KCNQ5: variants seen among roughly 807,000 people sequenced by gnomAD.
The protein encoded by KCNQ5 is potassium voltage-gated channel subfamily Q member 5, also known as potassium voltage-gated channel subfamily KQT member 5.
Under a neutral mutation model 98.2 loss-of-function variants are expected in KCNQ5, and 30 were observed. That is an observed-to-expected ratio of 0.31 (90% CI 0.23 to 0.41). KCNQ5 has a LOEUF of 0.41. Among genes scored for constraint, KCNQ5 ranks in the 10% least tolerant of loss-of-function variants. KCNQ5 has a pLI of 1.00. For synonymous variants in KCNQ5, 458 were observed against 449.4 expected, an observed-to-expected ratio of 1.02 and a Z score of -0.24; for missense variants, 835 against 1,182.5, an observed-to-expected ratio of 0.71 and a Z score of 4.31.
At chr6:73,111,470 A>G (rs1935537) in intron 7 of KCNQ5, 67 bp downstream of exon 7, 2 of 1,011,532 alleles carry the variant, frequency 2.0e-6, no homozygotes, top group Non-Finnish European at 1.5e-6. Context: ...TCATTTTCCA[A>G]TCTCTGTGCT....
intron 1 of KCNQ5, among the ~76,000 whole-genome samples, chr6:72,902,439 T>A (rs1562057360): frequency 6.6e-6 from 1 of 152,216 alleles, no homozygotes; most frequent in Non-Finnish European, 1.5e-5. Flanking sequence ...AGGGAATGCT[T>A]TCAACTTTTC....
intron 2 of KCNQ5, among the ~76,000 whole-genome samples, chr6:73,009,612 G>A (rs1227019717): frequency 6.6e-6 from 1 of 152,040 alleles, no homozygotes. Context: ...AGAAAAGGTT[G>A]ACAAAACAGA....
At chr6:72,719,066 T>C (rs141309744) in intron 1 of KCNQ5, among the ~76,000 whole-genome samples, 2,935 of 152,310 alleles carry the variant, frequency 0.019, 39 homozygotes, top group Non-Finnish European at 0.029. Context: ...AATCTCCTAT[T>C]TGTTGGGATC....
intron 2 of KCNQ5, among the ~76,000 whole-genome samples, chr6:73,033,731 T>G (rs1465890912): frequency 7.3e-6 from 1 of 137,442 alleles, no homozygotes. Context: ...CTTCCCCCCA[T>G]ACCCACCCCC....
chr6:73,072,912 T>A (rs1183703788), intron 3 of KCNQ5, among the ~76,000 whole-genome samples: 1 of 152,160 alleles, frequency 6.6e-6, no homozygotes, highest in African/African-American at 2.4e-5. Context: ...TTTTTATTCA[T>A]GTGACTTAGA....
intron 1 of KCNQ5, among the ~76,000 whole-genome samples, chr6:72,755,301 C>G (rs547329505): frequency 2.0e-5 from 3 of 151,874 alleles, no homozygotes; most frequent in African/African-American, 7.2e-5. Context: ...TTTAATTTGA[C>G]AATTTCTGTC....
In KCNQ5 at chr6:73,196,970, A is replaced by G. The variant is rs1245409702; in HGVS notation, c.*1556A>G. The G allele has an allele frequency of 6.6e-6, 1 of 152,164 alleles. No homozygotes were observed. The highest frequency in any genetic ancestry group is 6.5e-5 in the Admixed American group (1 of 15,282). The allele number at this position is 152,164 out of a possible 1,614,324, so 9.4% of individuals were successfully genotyped here. ...TAAGAGATAGCATTTCAATTCAATT[A>G]AACCCTAGCCACAGGAGGACTCAAG... On this transcript the variant is annotated 3_prime_UTR_variant, in exon 14 of 14. Coordinates refer to ENST00000370398, the MANE Select transcript of KCNQ5 (RefSeq NM_019842.4).
intron 1 of KCNQ5, among the ~76,000 whole-genome samples, chr6:72,966,334 G>A (rs375571164): frequency 3.9e-5 from 6 of 152,086 alleles, no homozygotes; most frequent in South Asian, 2.1e-4. Flanking sequence ...CAAGGCGGGC[G>A]GATCACCTGA....
intron 2 of KCNQ5, among the ~76,000 whole-genome samples, chr6:73,033,206 G>A (rs1430990153): frequency 2.0e-5 from 3 of 152,008 alleles, no homozygotes; most frequent in Non-Finnish European, 2.9e-5. Flanking sequence ...CCAAGCAGGG[G>A]GCACCCACTT....
intron 2 of KCNQ5, among the ~76,000 whole-genome samples, chr6:73,021,746 TG>T (rs1200929699): frequency 1.3e-5 from 2 of 152,214 alleles, no homozygotes; most frequent in Non-Finnish European, 1.5e-5. Flanking sequence ...TAAAATACTC[TG>T]GTTTCAATTA....
chr6:72,942,970 G>A (rs1582060221), intron 1 of KCNQ5, among the ~76,000 whole-genome samples: 1 of 152,252 alleles, frequency 6.6e-6, no homozygotes, highest in South Asian at 2.1e-4. Context: ...AAGCTGAACT[G>A]CTCTGAGGGG....
chr6:72,793,040 A>G (rs1224712515), intron 1 of KCNQ5, among the ~76,000 whole-genome samples: 1 of 152,184 alleles, frequency 6.6e-6, no homozygotes, highest in Non-Finnish European at 1.5e-5. Flanking sequence ...ACAACGTCTG[A>G]GCAGGCATTA....
At chr6:72,641,217 G>A (rs116533200) in intron 1 of KCNQ5, among the ~76,000 whole-genome samples, 1,680 of 152,224 alleles carry the variant, frequency 0.011, 32 homozygotes, top group African/African-American at 0.039. Context: ...ATATGAAAAT[G>A]TGAGAAATAT....
intron 9 of KCNQ5, among the ~76,000 whole-genome samples, chr6:73,125,933 G>A (rs1489205785): frequency 6.6e-6 from 1 of 152,152 alleles, no homozygotes; most frequent in Non-Finnish European, 1.5e-5. Context: ...ACCAAAGAGA[G>A]GTTCTAGTCA....
At chr6:72,669,407 A>G (rs1766985874) in intron 1 of KCNQ5, among the ~76,000 whole-genome samples, 1 of 152,178 alleles carries the variant, frequency 6.6e-6, no homozygotes. Flanking sequence ...GGCTTGAATA[A>G]TCCTCTTTGC....
chr6:72,714,614 T>C (rs1769546564), intron 1 of KCNQ5, among the ~76,000 whole-genome samples: 1 of 152,238 alleles, frequency 6.6e-6, no homozygotes, highest in African/African-American at 2.4e-5. Flanking sequence ...CTTTTTATCA[T>C]GAGTATGGAT....
intron 10 of KCNQ5, among the ~76,000 whole-genome samples, chr6:73,153,050 T>C (rs952445629): frequency 6.6e-6 from 1 of 152,196 alleles, no homozygotes; most frequent in Non-Finnish European, 1.5e-5. Context: ...GAGGACCATA[T>C]GCCCAGGAGT....
intron 1 of KCNQ5, among the ~76,000 whole-genome samples, chr6:72,797,091 T>C (rs922382098): frequency 2.6e-5 from 4 of 152,236 alleles, no homozygotes; most frequent in Non-Finnish European, 4.4e-5. Context: ...CAAAGCTTCA[T>C]GAACATAAAT....
intron 9 of KCNQ5, among the ~76,000 whole-genome samples, chr6:73,131,390 A>G (rs1386123506): frequency 1.3e-5 from 2 of 152,216 alleles, no homozygotes; most frequent in Non-Finnish European, 2.9e-5. Context: ...TTTTATAGTA[A>G]TTAGCATCTG....
Sources: gnomAD v4.1 joint callset for allele counts (sites outside exome capture counted in the v4.1 genomes callset) on GRCh38, gnomAD v4.1.1 for gene constraint, MANE v1.5 for transcripts, NCBI Gene and HGNC (gene_info 2026-07-23, HGNC 2026-07-21) for gene names.